The following MYCBP2 variants were observed in gnomAD, a reference collection of about 807,000 sequenced individuals.
The protein encoded by MYCBP2 is MYC binding protein 2, also known as E3 ubiquitin-protein ligase MYCBP2.
Under a neutral mutation model 525.3 loss-of-function variants are expected in MYCBP2, and 120 were observed. The observed-to-expected ratio is 0.23, with a 90% CI of 0.20 to 0.27. The LOEUF is 0.27. MYCBP2 is among the 10% of genes least tolerant of loss of function. The pLI is 1.00. For synonymous variants in MYCBP2, 1,894 were observed against 1,955.8 expected (o/e 0.97, Z 0.83); for missense variants, 4,149 against 5,657.1 (o/e 0.73, Z 8.55).
chr13:77,223,717 C>G (rs1326958444), intron 20 of MYCBP2, among the ~76,000 whole-genome samples: 2 of 152,154 alleles, frequency 1.3e-5, no homozygotes, highest in Non-Finnish European at 2.9e-5. Context: ...TCTTTAGTTT[C>G]TGCTTCCACA....
intron 44 of MYCBP2, among the ~76,000 whole-genome samples, chr13:77,160,721 T>C (rs1031378111): frequency 3.3e-5 from 5 of 152,206 alleles, no homozygotes; most frequent in Non-Finnish European, 5.9e-5. Context: ...TAACTACATA[T>C]ACCTAGTATA....
At chr13:77,177,486 C>T (rs930955978) in intron 35 of MYCBP2, among the ~76,000 whole-genome samples, 1 of 151,632 alleles carries the variant, frequency 6.6e-6, no homozygotes, top group Admixed American at 6.6e-5. Flanking sequence ...GGATTACAGG[C>T]GTGCGTTGTA....
At chr13:77,112,413 ATATAT>A (rs1431886279) in intron 55 of MYCBP2, among the ~76,000 whole-genome samples, 2 of 147,510 alleles carry the variant, frequency 1.4e-5, no homozygotes, top group East Asian at 1.9e-4. Flanking sequence ...TTTATATATT[ATATAT>A]TATATCTGTA....
rs117092082 is a variant in MYCBP2, at chr13:77,096,930, A to G, written c.9784+440T>C. Among the ~76,000 whole-genome samples, 93 of 152,040 alleles carry G rather than the reference A, an allele frequency of 6.1e-4. No individual in the cohort carries two copies. The East Asian group carries it at 0.012, about 20-fold the overall frequency. On this transcript the variant is annotated intron_variant, in intron 56 of 82. Coordinates refer to ENST00000544440, the MANE Select transcript of MYCBP2 (RefSeq NM_015057.5). ...TAGTCAATGTTACAGAAATCATTAC[A>G]TTTACTGAAAATGCAGTCTTCTGAT...
intron 76 of MYCBP2, 72 bp from the exon 77 acceptor site, chr13:77,059,698 A>T: frequency 9.0e-7 from 1 of 1,105,664 alleles, no homozygotes; most frequent in Non-Finnish European, 1.4e-6. Context: ...ACTAAATTTT[A>T]AAAAGCAAAC....
chr13:77,294,957 T>G (rs1437140606), intron 2 of MYCBP2, among the ~76,000 whole-genome samples: 1 of 152,108 alleles, frequency 6.6e-6, no homozygotes, highest in African/African-American at 2.4e-5. Flanking sequence ...AAGCAAATGA[T>G]GCAGGTAAAC....
chr13:77,108,072 AGAAT>A (rs2048127596), intron 55 of MYCBP2, among the ~76,000 whole-genome samples: 1 of 152,222 alleles, frequency 6.6e-6, no homozygotes, highest in Non-Finnish European at 1.5e-5. Context: ...TCATGCTAAT[AGAAT>A]GAAAGAACAA....
At position 77,263,645 on chromosome 13, in the gene MYCBP2, T is replaced by C; in HGVS notation, c.1570+6A>G. 1.2e-6 allele frequency: 2 copies of C among 1,606,716 alleles called. No individual in the cohort carries two copies. The highest frequency in any genetic ancestry group is 1.7e-6 in the Non-Finnish European group (2 of 1,176,392). On this transcript the variant is annotated splice_donor_region_variant and intron_variant, in intron 10 of 82. Coordinates refer to ENST00000544440, the MANE Select transcript of MYCBP2 (RefSeq NM_015057.5). ...TATAGGGAAAACACTTAATTTGCTA[T>C]CTTACTTATAATATGCAAGTCCTTT...
At chr13:77,210,525 T>C (rs2063873190) in intron 23 of MYCBP2, among the ~76,000 whole-genome samples, 2 of 152,200 alleles carry the variant, frequency 1.3e-5, no homozygotes, top group Non-Finnish European at 2.9e-5. Context: ...AAATGCAACA[T>C]AATTTCTTGA....
chr13:77,265,901 G>C (rs749647570), intron 8 of MYCBP2, among the ~76,000 whole-genome samples: 1 of 152,126 alleles, frequency 6.6e-6, no homozygotes, highest in Non-Finnish European at 1.5e-5. Context: ...ACATCTGCCA[G>C]TTCTGAAGAC....
intron 14 of MYCBP2, 107 bp downstream of exon 14, chr13:77,257,564 A>G: frequency 8.6e-7 from 1 of 1,168,152 alleles, no homozygotes; most frequent in East Asian, 2.6e-5. Flanking sequence ...ACAAAAAGAA[A>G]AAGAAGAGCC....
chr13:77,170,645 C>G (rs982111945), intron 38 of MYCBP2, among the ~76,000 whole-genome samples: 1 of 149,988 alleles, frequency 6.7e-6, no homozygotes, highest in African/African-American at 2.5e-5. Flanking sequence ...GGTGCGATCT[C>G]GGCTCACTGC....
chr13:77,120,951 T>G (rs972392916), intron 55 of MYCBP2, among the ~76,000 whole-genome samples: 8 of 152,250 alleles, frequency 5.3e-5, no homozygotes, highest in African/African-American at 1.9e-4. Flanking sequence ...AGCTCATGTG[T>G]AATATTACTT....
intron 46 of MYCBP2, among the ~76,000 whole-genome samples, chr13:77,151,579 A>T (rs1277798468): frequency 6.6e-6 from 1 of 152,226 alleles, no homozygotes; most frequent in African/African-American, 2.4e-5. Flanking sequence ...ATAAAATGGG[A>T]CTATCTTTCG....
chr13:77,243,744 A>T, intron 16 of MYCBP2, 62 bp downstream of exon 16: 1 of 1,438,212 alleles, frequency 7.0e-7, no homozygotes, highest in Non-Finnish European at 9.4e-7. Flanking sequence ...AATTGTTTAA[A>T]CTGTCAGACT....
At position 77,189,001 on chromosome 13, in the gene MYCBP2, T is replaced by G; in HGVS notation, c.4201A>C (p.Ser1401Arg). Residue 1401 changes from serine to arginine, a missense_variant, in exon 30 of 83, where the codon AGT becomes CGT. Transcript: ENST00000544440. ...GSASKGKQQT[S>R]EPVHILKRSF... ...CTCTTTAAAATGTGTACAGGTTCAC[T>G]GGTTTGCTGTTTGCCTTTTGAAGCA... is the stretch of plus-strand genomic sequence containing the variant. The G allele has an allele frequency of 6.2e-7, 1 of 1,611,768 alleles. No homozygotes were observed. Among genetic ancestry groups the G allele is most frequent in the Non-Finnish European group, 8.5e-7 (1 of 1,179,040 alleles).
At chr13:77,143,085 TACAG>T (rs1449610832) in intron 49 of MYCBP2, among the ~76,000 whole-genome samples, 1 of 152,232 alleles carries the variant, frequency 6.6e-6, no homozygotes, top group East Asian at 1.9e-4. Flanking sequence ...TATCCTATTA[TACAG>T]ACAGTTTAAA....
chr13:77,317,487 A>G (rs1280178301), intron 1 of MYCBP2, among the ~76,000 whole-genome samples: 1 of 152,204 alleles, frequency 6.6e-6, no homozygotes, highest in African/African-American at 2.4e-5. Context: ...TACTGGGAAC[A>G]CTGGAGAATG....
At chr13:77,243,034 C>CT (rs1461340351) in intron 17 of MYCBP2, 25 bp downstream of exon 17, 1 of 1,603,170 alleles carries the variant, frequency 6.2e-7, no homozygotes, top group Non-Finnish European at 8.5e-7. Context: ...TTTTCATGTA[C>CT]TTTTTCTCTG....
Sources: gnomAD v4.1 joint callset for allele counts (sites outside exome capture counted in the v4.1 genomes callset) on GRCh38, gnomAD v4.1.1 for gene constraint, MANE v1.5 for transcripts, NCBI Gene and HGNC (gene_info 2026-07-23, HGNC 2026-07-21) for gene names.